CFAP70: variants seen among roughly 807,000 people sequenced by gnomAD.
CFAP70 encodes cilia and flagella associated protein 70.
CFAP70 carries 81 observed loss-of-function variants against 137.6 expected under a neutral mutation model. That is an observed-to-expected ratio of 0.59 (90% confidence interval 0.49 to 0.71). CFAP70 has a LOEUF of 0.71. CFAP70 is among the 30% of genes least tolerant of loss of function. The probability of loss-of-function intolerance (pLI) is 0.00; values close to 1 mark genes in which losing one functional copy is unlikely to be tolerated. For missense variants in CFAP70, 976 were observed against 1,226.7 expected (o/e 0.80, Z 3.05); for synonymous variants, 382 against 423.6 (o/e 0.90, Z 1.20).
chr10:73,271,199 T>A (rs1284003369), intron 24 of CFAP70, among the ~76,000 whole-genome samples: 1 of 151,976 alleles, frequency 6.6e-6, no homozygotes, highest in Non-Finnish European at 1.5e-5. Context: ...CTCAAAGGGC[T>A]CACTGACAGA....
intron 11 of CFAP70, among the ~76,000 whole-genome samples, chr10:73,310,606 CT>C (rs2049829328): frequency 6.6e-6 from 1 of 152,138 alleles, no homozygotes; most frequent in African/African-American, 2.4e-5. Context: ...CAGAAAAATT[CT>C]CTTCATAACC....
In CFAP70 at chr10:73,344,974, C is replaced by T. The variant is rs575996088; in HGVS notation, c.399+91G>A. ...AATCTCAGCTATTAGCAGTGCAATG[C>T]TTTGAATGAAATCTTAGAGGTGAGG... On this transcript the variant is annotated intron_variant, in intron 5 of 26. Transcript: ENST00000310715. 26 of 1,043,726 alleles carry T rather than the reference C, an allele frequency of 2.5e-5. No homozygotes were observed. In the East Asian group the frequency reaches 5.3e-4, roughly 21 times the overall value. The allele number at this position is 1,043,726 out of a possible 1,614,324, so 64.7% of individuals were successfully genotyped here.
At chr10:73,346,453 T>C (rs1358840108) in intron 4 of CFAP70, among the ~76,000 whole-genome samples, 1 of 151,736 alleles carries the variant, frequency 6.6e-6, no homozygotes, top group Non-Finnish European at 1.5e-5. Flanking sequence ...CTGGCCAACA[T>C]GGTGAAACCC....
chr10:73,357,126 T>C (rs572321700), intron 1 of CFAP70, among the ~76,000 whole-genome samples: 12 of 152,244 alleles, frequency 7.9e-5, no homozygotes, highest in Non-Finnish European at 1.5e-4. Flanking sequence ...CTTTTACAAA[T>C]AAAAAGAATG....
chr10:73,362,911 A>G (rs376574813), upstream of CFAP70, among the ~76,000 whole-genome samples: 12 of 150,874 alleles, frequency 8.0e-5, no homozygotes, highest in East Asian at 3.9e-4. Context: ...TCTGTCATAC[A>G]TGGTCTTTAT....
intron 12 of CFAP70, among the ~76,000 whole-genome samples, chr10:73,302,208 A>G (rs2049002634): frequency 6.6e-6 from 1 of 152,160 alleles, no homozygotes; most frequent in Non-Finnish European, 1.5e-5. Context: ...AACCAAGGAA[A>G]TAAGTATAGA....
At position 73,339,745 on chromosome 10, in the gene CFAP70, G is replaced by A. The variant is rs540274539; in HGVS notation, c.582+1654C>T. Among the ~76,000 whole-genome samples, 5 of 152,354 alleles carry A rather than the reference G, an allele frequency of 3.3e-5. No individual in the cohort carries two copies. The East Asian group carries it at 9.6e-4, about 29-fold the overall frequency. The stretch of plus-strand genomic sequence containing the variant: ...GGCTGAACCAGGCATATTGCAAACG[G>A]CTTCCATGGCCGGCACCAGGGAATG... On this transcript the variant is annotated intron_variant, in intron 6 of 26. Transcript: ENST00000310715.
chr10:73,278,469 G>A (rs1345707375), intron 19 of CFAP70, 132 bp from the exon 21 acceptor site: 7 of 698,194 alleles, frequency 1.0e-5, no homozygotes, highest in Non-Finnish European at 1.6e-5. Context: ...GACTTGTTTG[G>A]TAGACTTGTT....
Position 73,263,543 on chromosome 10 carries a change from C to T in CFAP70, c.3027+6071G>A, listed in dbSNP as rs531386216. Among the ~76,000 whole-genome samples the T allele has an allele frequency of 1.9e-3, 289 of 152,242 alleles. 2 individuals carry two copies. The highest frequency in any genetic ancestry group is 6.6e-3 in the African/African-American group (273 of 41,542). ...CTATTTTGTAAACTATTCCCCAATT[C>T]ATATTTGTCTAATGTTCCCTCATAA... On this transcript the variant is annotated intron_variant, in intron 25 of 26. Coordinates refer to ENST00000310715, the Ensembl canonical transcript of CFAP70.
At chr10:73,299,741 A>T in intron 12 of CFAP70, 76 bp from the exon 14 acceptor site, 5 of 1,212,590 alleles carry the variant, frequency 4.1e-6, no homozygotes, top group Non-Finnish European at 5.7e-6. Flanking sequence ...CTTTTATCTT[A>T]TCCTCAAAGT....
At chr10:73,320,150 G>A (rs1057293821) in intron 9 of CFAP70, among the ~76,000 whole-genome samples, 2 of 151,954 alleles carry the variant, frequency 1.3e-5, no homozygotes, top group African/African-American at 2.4e-5. Context: ...TTTGGTAAAC[G>A]AAATACTTTC....
chr10:73,354,826 T>C, exon 2 of CFAP70: 5 of 1,602,434 alleles, frequency 3.1e-6, no homozygotes, highest in Non-Finnish European at 4.3e-6. Context: ...CCCTCTGTTT[T>C]CTTTGGTCTC....
intron 19 of CFAP70, among the ~76,000 whole-genome samples, chr10:73,286,368 C>T (rs1034854623): frequency 3.9e-5 from 6 of 151,980 alleles, no homozygotes; most frequent in South Asian, 2.1e-4. Context: ...GGCGTGAACC[C>T]GGGAGGCGGA....
At chr10:73,256,233 A>G in intron 26 of CFAP70, 136 bp downstream of exon 27, 1 of 958,664 alleles carries the variant, frequency 1.0e-6, no homozygotes, top group Non-Finnish European at 1.6e-6. Context: ...CAGCCCCACG[A>G]TAATGGCAAA....
intron 8 of CFAP70, among the ~76,000 whole-genome samples, chr10:73,330,119 T>C (rs1232828215): frequency 6.6e-6 from 1 of 152,156 alleles, no homozygotes; most frequent in Non-Finnish European, 1.5e-5. Flanking sequence ...ATCTCTTTGA[T>C]TTCATCTATT....
chr10:73,290,044 C>CAAAAAAAAAA (rs397847750), intron 19 of CFAP70, among the ~76,000 whole-genome samples: 4 of 72,236 alleles, frequency 5.5e-5, no homozygotes, highest in African/African-American at 1.3e-4. Flanking sequence ...GACTCCATCT[C>CAAAAAAAAAA]AAAAAAAAAA....
rs181928857 is a variant in CFAP70, at chr10:73,351,325, A to G, written c.250+2231T>C. 8.3e-3 allele frequency among the ~76,000 whole-genome samples: 1,254 copies of G among 151,666 alleles called. 18 individuals are homozygous for G. Among genetic ancestry groups the G allele is most frequent in the African/African-American group, 0.027 (1,123 of 41,380 alleles). On this transcript the variant is annotated intron_variant, in intron 3 of 26. Coordinates refer to ENST00000310715, the Ensembl canonical transcript of CFAP70. ...ACTTGAGACGGGGTTTCACCGTGTTAGCCAGGATGGTCTCGATCTCCTGAC... is the reference window on the plus strand; with the variant it reads ...ACTTGAGACGGGGTTTCACCGTGTTGGCCAGGATGGTCTCGATCTCCTGAC...
intron 10 of CFAP70, 75 bp from the exon 12 acceptor site, chr10:73,311,989 C>T: frequency 8.9e-7 from 1 of 1,122,576 alleles, no homozygotes; most frequent in Non-Finnish European, 1.3e-6. Flanking sequence ...ATGTTCTCTA[C>T]ACTGCATCAA....
At chr10:73,284,134 A>C (rs1301510562) in intron 19 of CFAP70, among the ~76,000 whole-genome samples, 1 of 152,194 alleles carries the variant, frequency 6.6e-6, no homozygotes, top group Non-Finnish European at 1.5e-5. Flanking sequence ...CTCCTTCTGG[A>C]GGCTCTAAGG....
Sources: allele counts gnomAD v4.1 joint callset (sites outside exome capture counted in the v4.1 genomes callset), GRCh38; gene constraint gnomAD v4.1.1; transcripts MANE v1.5; gene names NCBI Gene and HGNC (gene_info 2026-07-23, HGNC 2026-07-21).